ANKMY1: variants seen among roughly 807,000 people sequenced by gnomAD.
ANKMY1 encodes the protein ankyrin repeat and MYND domain containing 1, also known as ankyrin repeat and MYND domain-containing protein 1.
In ANKMY1, 98 loss-of-function variants were observed where a neutral mutation model predicts 102.0. The ratio of observed to expected loss-of-function variants is 0.96; its 90% CI spans 0.82 to 1.14. The LOEUF (loss-of-function observed/expected upper bound fraction) is 1.14, where lower values mean the gene tolerates loss of function less well. Ranked by LOEUF, ANKMY1 falls within the 50% of genes most tolerant of loss-of-function variation. The pLI is 0.00. For missense variants in ANKMY1, 1,330 were observed against 1,347.6 expected, an observed-to-expected ratio of 0.99 and a Z score of 0.20; for synonymous variants, 582 against 559.9, an observed-to-expected ratio of 1.04 and a Z score of -0.56.
At chr2:240,546,411 A>T (rs980308058) in intron 4 of ANKMY1, among the ~76,000 whole-genome samples, 84 of 152,370 alleles carry the variant, frequency 5.5e-4, no homozygotes, top group Non-Finnish European at 1.0e-3. Context: ...AAATCATGCC[A>T]AAATGTAAAG....
chr2:240,511,780 G>T, intron 11 of ANKMY1, 81 bp downstream of exon 11: 1 of 1,464,322 alleles, frequency 6.8e-7, no homozygotes, highest in Non-Finnish European at 9.0e-7. Flanking sequence ...GAGAACACAT[G>T]CTTCCGGGGG....
At chr2:240,545,251 C>A (rs570156736) in intron 4 of ANKMY1, among the ~76,000 whole-genome samples, 1 of 152,340 alleles carries the variant, frequency 6.6e-6, no homozygotes, top group Admixed American at 6.5e-5. Context: ...CAGGGGCAGA[C>A]TGACACCTCA....
At chr2:240,482,104 T>C in intron 16 of ANKMY1, 79 bp downstream of exon 16, 1 of 1,468,922 alleles carries the variant, frequency 6.8e-7, no homozygotes, top group Non-Finnish European at 9.3e-7. Context: ...CGGGATGAGG[T>C]GGTCAGGCCA....
intron 13 of ANKMY1, among the ~76,000 whole-genome samples, chr2:240,504,131 G>T (rs2078670746): frequency 6.6e-6 from 1 of 152,224 alleles, no homozygotes; most frequent in Non-Finnish European, 1.5e-5. Flanking sequence ...CCTGAAACAA[G>T]GTTCTGCCAC....
At chr2:240,522,309 C>T (rs1258078993) in intron 8 of ANKMY1, 1 of 152,222 alleles carries the variant, frequency 6.6e-6, no homozygotes, top group African/African-American at 2.4e-5. Flanking sequence ...AACTTGTTAA[C>T]CATAACAAAC....
At chr2:240,530,816 G>C (rs1479088742) in intron 4 of ANKMY1, among the ~76,000 whole-genome samples, 1 of 152,160 alleles carries the variant, frequency 6.6e-6, no homozygotes, top group Non-Finnish European at 1.5e-5. Context: ...CAGAGGCTGA[G>C]TTGGAAGGCT....
At chr2:240,522,192 T>C (rs191346850) in intron 8 of ANKMY1, 1 of 151,988 alleles carries the variant, frequency 6.6e-6, no homozygotes, top group African/African-American at 2.4e-5. Context: ...AGCTAGACAC[T>C]GAGCATTGAT....
Position 240,520,988 on chromosome 2 carries a change from AACAC to A in ANKMY1, c.1833-459_1833-456del, listed in dbSNP as rs897197858. Among the ~76,000 whole-genome samples the A allele has an allele frequency of 2.0e-5, 3 of 151,432 alleles. No homozygotes were observed. Among genetic ancestry groups the A allele is most frequent in the Non-Finnish European group, 2.9e-5 (2 of 67,816 alleles). The stretch of plus-strand genomic sequence containing the variant: ...ACACCACTCACACCACAAAGACACA[AACAC>A]ACAGGCGCACACACACCTCTGAGGG... On this transcript the variant is annotated intron_variant, in intron 8 of 17. Coordinates refer to ENST00000401804, the MANE Select transcript of ANKMY1 (RefSeq NM_001282771.3). This position sits in a 1 kb window ranked among gnomAD's most constrained non-coding sequence, Gnocchi z 4.8.
rs539338570 is a variant in ANKMY1 at position 240,506,161 on chromosome 2, C to T, written c.2526+1399G>A. ...TAACCCCGGATGAGGCGCTGGGAGC[C>T]CCCAACCCCGGACGAAGGACTATTC... On this transcript the variant is annotated intron_variant, in intron 13 of 17. Coordinates refer to ENST00000401804, the MANE Select transcript of ANKMY1 (RefSeq NM_001282771.3). The surrounding 1 kb of genome is among the most constrained non-coding windows in gnomAD (Gnocchi z 4.9). Among the ~76,000 whole-genome samples, 3 of 152,242 alleles carry T rather than the reference C, an allele frequency of 2.0e-5. No individual in the cohort carries two copies. Among genetic ancestry groups the T allele is most frequent in the East Asian group, 3.9e-4 (2 of 5,176 alleles).
chr2:240,544,701 G>C (rs1048048486), intron 4 of ANKMY1, among the ~76,000 whole-genome samples: 2 of 145,634 alleles, frequency 1.4e-5, no homozygotes, highest in African/African-American at 2.8e-5. Flanking sequence ...CTCAGGAAGC[G>C]CAAGGGGTCA....
At chr2:240,519,613 T>C (rs2081794166) in intron 9 of ANKMY1, 1 of 153,068 alleles carries the variant, frequency 6.5e-6, no homozygotes, top group South Asian at 2.1e-4. Context: ...GCAGCTGTGC[T>C]GTGGGAAGGG....
At chr2:240,519,815 G>T (rs1226291426) in intron 9 of ANKMY1, 1 of 219,480 alleles carries the variant, frequency 4.6e-6, no homozygotes, top group Non-Finnish European at 9.6e-6. Flanking sequence ...GAAGCCGCTT[G>T]CTCACGGGTG....
rs1012479561 is a variant in ANKMY1, at chr2:240,529,395, G to T, written c.595C>A (p.Pro199Thr). Residue 199 changes from proline (P) to threonine (T), a missense_variant, in exon 5 of 18, where the codon CCC becomes ACC. Physicochemically the swap from Pro to Thr is conservative, Grantham distance 38. Coordinates refer to ENST00000401804, the MANE Select transcript of ANKMY1 (RefSeq NM_001282771.3). The surrounding 1 kb of genome is among the most constrained non-coding windows in gnomAD (Gnocchi z 4.2). ...EQLIKLCTQI[P>T]SGFSLLRYPE... ...TATCTGAGGAGGGAGAAGCCACTGG[G>T]GATCTGGGTGCACAGCTTGATGAGC... The T allele has an allele frequency of 2.5e-6, 4 of 1,614,032 alleles. No homozygotes were observed.
chr2:240,543,062 AAAATAGGCTGG>A (rs1215501126), intron 4 of ANKMY1, among the ~76,000 whole-genome samples: 1 of 152,040 alleles, frequency 6.6e-6, no homozygotes, highest in Non-Finnish European at 1.5e-5. Flanking sequence ...AATTATAGGT[AAAATAGGCTGG>A]GCACAGTGGC....
chr2:240,560,106 G>A (rs1168708857), upstream of ANKMY1: 1 of 152,414 alleles, frequency 6.6e-6, no homozygotes, highest in African/African-American at 2.4e-5. Flanking sequence ...TATGAGCCAT[G>A]TGTTATAATA....
At chr2:240,497,474 T>C (rs1241082004) in intron 15 of ANKMY1, among the ~76,000 whole-genome samples, 1 of 152,258 alleles carries the variant, frequency 6.6e-6, no homozygotes, top group African/African-American at 2.4e-5. Flanking sequence ...CTTGGTTTAA[T>C]ACCACAGACA....
Position 240,552,957 on chromosome 2 carries a change from C to T in ANKMY1, c.437G>A (p.Arg146Gln), listed in dbSNP as rs768966375. The change falls in exon 4 of 18, where the codon CGA (arginine) becomes CAA (glutamine). Residue 146 changes from arginine (R) to glutamine (Q), a missense_variant. Transcript: ENST00000401804. ...SFTGTFYLSH[R>Q]EGYGTMYMKT... ...CATGTACATGGTGCCGTAGCCTTCTCGGTGGCTGAGGTAAAATGTGCCCGT... is the reference window on the plus strand; with the variant it reads ...CATGTACATGGTGCCGTAGCCTTCTTGGTGGCTGAGGTAAAATGTGCCCGT... The T allele has an allele frequency of 1.1e-5, 17 of 1,613,900 alleles. No homozygotes were observed. The highest frequency in any genetic ancestry group is 5.5e-5 in the South Asian group (5 of 91,068).
At chr2:240,537,168 T>A (rs2086990213) in intron 4 of ANKMY1, among the ~76,000 whole-genome samples, 1 of 152,184 alleles carries the variant, frequency 6.6e-6, no homozygotes, top group Admixed American at 6.5e-5. Context: ...GCAAGAGACT[T>A]CAGTCAGGCC....
At chr2:240,518,603 A>G (rs1379733636) in intron 9 of ANKMY1, among the ~76,000 whole-genome samples, 1 of 152,232 alleles carries the variant, frequency 6.6e-6, no homozygotes, top group Non-Finnish European at 1.5e-5. Flanking sequence ...CGTTTTGGTG[A>G]CATGTTCATT....
Sources: allele counts gnomAD v4.1 joint callset (sites outside exome capture counted in the v4.1 genomes callset), GRCh38; gene constraint gnomAD v4.1.1; non-coding constraint Gnocchi (gnomAD v3.1); transcripts MANE v1.5; gene names NCBI Gene and HGNC (gene_info 2026-07-23, HGNC 2026-07-21).